VPS13B: variants seen among roughly 807,000 people sequenced by gnomAD.
VPS13B encodes vacuolar protein sorting 13 homolog B.
VPS13B carries 285 observed loss-of-function variants against 426.4 expected under a neutral mutation model. The ratio of observed to expected loss-of-function variants is 0.67; its 90% CI spans 0.61 to 0.74. VPS13B has a LOEUF of 0.74. VPS13B is among the 30% of genes least tolerant of loss of function. The pLI is 0.00. For missense variants in VPS13B, 4,537 were observed against 4,782.6 expected (o/e 0.95, Z 1.51); for synonymous variants, 1,676 against 1,676.4 (o/e 1.00, Z 0.01).
At chr8:99,475,376 T>C (rs1819635654) in intron 24 of VPS13B, among the ~76,000 whole-genome samples, 2 of 152,196 alleles carry the variant, frequency 1.3e-5, no homozygotes, top group Admixed American at 6.5e-5. Flanking sequence ...CTTGGAGTTA[T>C]CTACCAAAGT....
intron 19 of VPS13B, among the ~76,000 whole-genome samples, chr8:99,336,057 G>A (rs1810845482): frequency 6.6e-6 from 1 of 152,144 alleles, no homozygotes; most frequent in African/African-American, 2.4e-5. Flanking sequence ...GCATCGCCAA[G>A]TCAATCCTAA....
chr8:99,840,922 C>T (rs910050474), intron 54 of VPS13B, among the ~76,000 whole-genome samples: 2 of 152,180 alleles, frequency 1.3e-5, no homozygotes, highest in African/African-American at 4.8e-5. Context: ...TTGCTTACTT[C>T]GCTCACCTTC....
intron 43 of VPS13B, among the ~76,000 whole-genome samples, chr8:99,805,747 C>T (rs567793540): frequency 6.6e-6 from 1 of 152,294 alleles, no homozygotes; most frequent in South Asian, 2.1e-4. Context: ...GGCCACTATA[C>T]AACCTGCCTT....
intron 8 of VPS13B, among the ~76,000 whole-genome samples, chr8:99,127,948 G>A (rs1039840109): frequency 1.3e-5 from 2 of 152,046 alleles, no homozygotes; most frequent in African/African-American, 4.8e-5. Flanking sequence ...TATTCAGTCT[G>A]TTAGGACATG....
intron 19 of VPS13B, among the ~76,000 whole-genome samples, chr8:99,354,406 C>T (rs538377369): frequency 6.7e-6 from 1 of 148,428 alleles, no homozygotes; most frequent in South Asian, 2.1e-4. Flanking sequence ...TCATCAGATT[C>T]CTGAGAGTGG....
chr8:99,233,644 A>G (rs1816479072), intron 17 of VPS13B: 1 of 993,424 alleles, frequency 1.0e-6, no homozygotes, highest in Admixed American at 1.7e-5. Flanking sequence ...CAGCACTGGC[A>G]TAGGCCTCCA....
intron 35 of VPS13B, among the ~76,000 whole-genome samples, chr8:99,674,662 C>T (rs1322526495): frequency 6.6e-6 from 1 of 151,900 alleles, no homozygotes. Flanking sequence ...CTTCCTCTCG[C>T]TGTCTTTCTT....
chr8:99,675,379 TC>T (rs1256935268), intron 35 of VPS13B, among the ~76,000 whole-genome samples: 1 of 152,156 alleles, frequency 6.6e-6, no homozygotes, highest in Non-Finnish European at 1.5e-5. Context: ...CAGGATCCTG[TC>T]TTTGTCTTTG....
chr8:99,096,263 C>T (rs777287695), intron 3 of VPS13B, 49 bp from the exon 4 acceptor site: 1 of 1,607,800 alleles, frequency 6.2e-7, no homozygotes, highest in South Asian at 1.1e-5. Flanking sequence ...TTTCTTAATT[C>T]TTGAGTATGA....
At chr8:99,065,957 C>G (rs953704284) in intron 3 of VPS13B, among the ~76,000 whole-genome samples, 2 of 152,144 alleles carry the variant, frequency 1.3e-5, no homozygotes, top group African/African-American at 4.8e-5. Context: ...ATGTGAAGGA[C>G]CTCTTCAAGG....
chr8:99,350,942 A>G (rs1811848290), intron 19 of VPS13B, among the ~76,000 whole-genome samples: 1 of 152,018 alleles, frequency 6.6e-6, no homozygotes, highest in African/African-American at 2.4e-5. Flanking sequence ...TTAGTTATTT[A>G]GTACTGTTCA....
intron 33 of VPS13B, among the ~76,000 whole-genome samples, chr8:99,596,163 T>A (rs1827001789): frequency 6.6e-6 from 1 of 151,942 alleles, no homozygotes; most frequent in African/African-American, 2.4e-5. Context: ...CACTAAAGTA[T>A]CTTCTCTGAA....
chr8:99,139,055 A>G (rs185909203), intron 12 of VPS13B, among the ~76,000 whole-genome samples: 49 of 152,356 alleles, frequency 3.2e-4, no homozygotes, highest in Non-Finnish European at 6.3e-4. Flanking sequence ...AATACTATAC[A>G]GTGTTACAGA....
At chr8:99,241,545 G>A (rs1816933853) in intron 17 of VPS13B, 1 of 152,064 alleles carries the variant, frequency 6.6e-6, no homozygotes, top group Non-Finnish European at 1.5e-5. Context: ...TTGAAAGGAT[G>A]GTGCACTTTT....
At chr8:99,323,447 C>T (rs966187011) in intron 19 of VPS13B, among the ~76,000 whole-genome samples, 1 of 152,128 alleles carries the variant, frequency 6.6e-6, no homozygotes, top group Non-Finnish European at 1.5e-5. Flanking sequence ...GAAGAAAGAA[C>T]TCCTTCATTT....
At chr8:99,759,033 T>C (rs1027199515) in intron 39 of VPS13B, among the ~76,000 whole-genome samples, 5 of 152,134 alleles carry the variant, frequency 3.3e-5, no homozygotes, top group African/African-American at 4.8e-5. Flanking sequence ...TCTCTAATTA[T>C]ATTCTCCTCA....
At chr8:99,859,163 T>G in intron 56 of VPS13B, 141 bp from the exon 57 acceptor site, 1 of 1,045,994 alleles carries the variant, frequency 9.6e-7, no homozygotes, top group Non-Finnish European at 1.4e-6. Context: ...CTTATTTCCC[T>G]TATTTTCTTC....
rs1260045026 is a variant in VPS13B at position 99,096,422 on chromosome 8, C to G, written c.402C>G (p.Asp134Glu). The G allele has an allele frequency of 6.2e-7, 1 of 1,614,028 alleles. No individual in the cohort carries two copies. Among genetic ancestry groups the G allele is most frequent in the Admixed American group, 1.7e-5 (1 of 60,000 alleles). ...RMQQAAPTDPDLPPGYVQSLI... is the reference protein window; with the variant it reads ...RMQQAAPTDPELPPGYVQSLI... ...AGCAGGCTGCTCCTACAGATCCTGACTTACCACCAGGTAACTTCTAATGGG... is the reference window on the plus strand; with the variant it reads ...AGCAGGCTGCTCCTACAGATCCTGAGTTACCACCAGGTAACTTCTAATGGG... The change falls in exon 4 of 62, where the codon GAC (aspartate) becomes GAG (glutamate). Residue 134 changes from aspartate (D) to glutamate (E), a missense_variant. By Grantham distance (45) the Asp-to-Glu change is conservative. Around this residue, in one of 2 missense-constraint regions of VPS13B, gnomAD observed 226 missense variants for 308.3 expected, o/e 0.73. Coordinates refer to ENST00000357162, the MANE Select transcript of VPS13B (RefSeq NM_152564.5).
rs774871570 is a variant in VPS13B at position 99,170,026 on chromosome 8, C to G, written c.2209-13C>G. On this transcript the variant is annotated splice_polypyrimidine_tract_variant and intron_variant, in intron 15 of 61. Transcript: ENST00000357162. The stretch of plus-strand genomic sequence containing the variant: ...GTCTGTGTGAACACTTGCATCTTTT[C>G]TTTTTGTTTTAGATATTTGGTTTCC... The G allele has an allele frequency of 6.2e-7, 1 of 1,611,944 alleles. No individual in the cohort carries two copies. Among genetic ancestry groups the G allele is most frequent in the Non-Finnish European group, 8.5e-7 (1 of 1,178,332 alleles).
Sources: allele counts gnomAD v4.1 joint callset (sites outside exome capture counted in the v4.1 genomes callset), GRCh38; gene constraint gnomAD v4.1.1; regional missense constraint gnomAD v4.1.1; transcripts MANE v1.5; gene names NCBI Gene and HGNC (gene_info 2026-07-23, HGNC 2026-07-21).